HORMAD2: variants seen among roughly 807,000 people sequenced by gnomAD.
HORMAD2 encodes HORMA domain-containing protein 2.
In HORMAD2, 45 loss-of-function variants were observed where a neutral mutation model predicts 38.8. The ratio of observed to expected loss-of-function variants is 1.16; its 90% CI spans 0.91 to 1.49. The LOEUF (loss-of-function observed/expected upper bound fraction) is 1.49, where lower values mean the gene tolerates loss of function less well. HORMAD2 is among the 40% of genes most tolerant of loss of function. HORMAD2 has a pLI of 0.00. For missense variants in HORMAD2, 338 were observed against 367.0 expected (o/e 0.92, Z 0.65); for synonymous variants, 126 against 122.8 (o/e 1.03, Z -0.17).
intron 10 of HORMAD2, among the ~76,000 whole-genome samples, chr22:30,150,656 G>A (rs775053487): frequency 2.6e-5 from 4 of 152,144 alleles, no homozygotes; most frequent in Non-Finnish European, 5.9e-5. Flanking sequence ...ACCTGTACAA[G>A]CCTTTGGGAG....
chr22:30,127,312 G>A (rs973773607), intron 10 of HORMAD2, among the ~76,000 whole-genome samples: 2 of 146,338 alleles, frequency 1.4e-5, no homozygotes, highest in South Asian at 2.2e-4. Flanking sequence ...TGATTCAAGC[G>A]ATTCTCCTGC....
At chr22:30,120,892 G>A (rs568528549) in intron 8 of HORMAD2, among the ~76,000 whole-genome samples, 112 of 152,300 alleles carry the variant, frequency 7.4e-4, no homozygotes, top group Admixed American at 2.6e-4. Flanking sequence ...TGAGTGAGAG[G>A]AAACTGGGCA....
chr22:30,096,344 A>G (rs910111336), intron 2 of HORMAD2, among the ~76,000 whole-genome samples: 1 of 152,162 alleles, frequency 6.6e-6, no homozygotes, highest in African/African-American at 2.4e-5. Flanking sequence ...TAGCTTTATT[A>G]TATACTGCCA....
At chr22:30,137,019 T>C in intron 10 of HORMAD2, 1 of 444,484 alleles carries the variant, frequency 2.2e-6, no homozygotes. Context: ...CTTCCATGTG[T>C]AATTGTTGCA....
chr22:30,168,700 G>A (rs1264374129), intron 10 of HORMAD2, among the ~76,000 whole-genome samples: 1 of 152,104 alleles, frequency 6.6e-6, no homozygotes, highest in Non-Finnish European at 1.5e-5. Flanking sequence ...CTCAGGTTCA[G>A]GCACTCATTC....
the HORMAD2 span, among the ~76,000 whole-genome samples, chr22:30,206,352 G>C: frequency 6.6e-6 from 1 of 152,292 alleles, no homozygotes; most frequent in African/African-American, 2.4e-5. Context: ...TAGAGATGGG[G>C]TTTCACCATG....
At chr22:30,092,110 A>G (rs2146071201) in intron 1 of HORMAD2, among the ~76,000 whole-genome samples, 1 of 147,780 alleles carries the variant, frequency 6.8e-6, no homozygotes, top group Middle Eastern at 3.5e-3. Flanking sequence ...CAAACTCTTG[A>G]CCTCAGGTGA....
intron 10 of HORMAD2, among the ~76,000 whole-genome samples, chr22:30,159,203 C>T (rs965202218): frequency 2.6e-5 from 4 of 151,998 alleles, no homozygotes; most frequent in African/African-American, 9.7e-5. Context: ...TTTTGAAAGC[C>T]CTCAGAATAA....
At position 30,116,299 on chromosome 22, in the gene HORMAD2, G is replaced by T. The variant is rs371893687; in HGVS notation, c.343-2681G>T. Among the ~76,000 whole-genome samples the T allele has an allele frequency of 1.2e-4, 18 of 152,208 alleles. No individual in the cohort carries two copies. The East Asian group carries it at 3.5e-3, about 29-fold the overall frequency. On this transcript the variant is annotated intron_variant, in intron 7 of 10. Transcript: ENST00000336726. Reference sequence around the variant, plus strand: ...GGCCTTGCAAATCAAGATAACTTTTGGATTTTATTTTAAGGGTGGTGAGAA... The same window carrying T: ...GGCCTTGCAAATCAAGATAACTTTTTGATTTTATTTTAAGGGTGGTGAGAA...
upstream of HORMAD2, among the ~76,000 whole-genome samples, chr22:30,079,112 G>T (rs141417692): frequency 4.7e-3 from 715 of 152,200 alleles, 8 homozygotes; most frequent in African/African-American, 0.016. Flanking sequence ...TCGCCAACTT[G>T]AATAGTTTTT....
At chr22:30,140,908 T>C (rs929239892) in intron 10 of HORMAD2, among the ~76,000 whole-genome samples, 4 of 152,212 alleles carry the variant, frequency 2.6e-5, no homozygotes, top group African/African-American at 9.6e-5. Context: ...TTTACAGTTG[T>C]AAATTTTCCT....
chr22:30,166,998 A>C (rs8138286), intron 10 of HORMAD2, among the ~76,000 whole-genome samples: 30,426 of 152,188 alleles, frequency 0.2, 3,691 homozygotes, highest in Middle Eastern at 0.38. Flanking sequence ...ACAAAAATGT[A>C]TTCTCTCACA....
intron 3 of HORMAD2, 60 bp downstream of exon 3, chr22:30,099,053 A>G (rs1920927480): frequency 5.5e-6 from 8 of 1,455,288 alleles, no homozygotes; most frequent in Middle Eastern, 1.8e-4. Flanking sequence ...TTTAGCAGGA[A>G]TAAACCTTTC....
intron 10 of HORMAD2, among the ~76,000 whole-genome samples, chr22:30,161,553 G>A (rs1291832004): frequency 6.6e-6 from 1 of 152,174 alleles, no homozygotes; most frequent in Non-Finnish European, 1.5e-5. Flanking sequence ...GTATGTGCTT[G>A]AGCGTGTTTA....
chr22:30,111,791 T>TA lies in HORMAD2; in HGVS notation c.295-5_295-4insA. On this transcript the variant is annotated splice_region_variant and splice_polypyrimidine_tract_variant and intron_variant, in intron 5 of 10. Coordinates refer to ENST00000336726, the MANE Select transcript of HORMAD2 (RefSeq NM_152510.4). ...AATAATAGTTTTTTTTTCTTTCTCT[T>TA]GAAGCTACGTATGGCAGTACTGACA... The TA allele has an allele frequency of 6.4e-7, 1 of 1,557,042 alleles. No homozygotes were observed. Among genetic ancestry groups the TA allele is most frequent in the Non-Finnish European group, 8.7e-7 (1 of 1,148,486 alleles).
At chr22:30,099,239 A>G (rs1398538505) in intron 3 of HORMAD2, among the ~76,000 whole-genome samples, 1 of 152,250 alleles carries the variant, frequency 6.6e-6, no homozygotes, top group Non-Finnish European at 1.5e-5. Context: ...GGACAAGTCC[A>G]GTATAAAAGC....
At chr22:30,085,222 A>G (rs2068550337) in intron 1 of HORMAD2, among the ~76,000 whole-genome samples, 1 of 152,162 alleles carries the variant, frequency 6.6e-6, no homozygotes, top group South Asian at 2.1e-4. Flanking sequence ...AATGTTCAGA[A>G]TAGGCAATTT....
intron 10 of HORMAD2, among the ~76,000 whole-genome samples, chr22:30,160,882 C>A (rs1394551338): frequency 6.6e-6 from 1 of 152,168 alleles, no homozygotes; most frequent in African/African-American, 2.4e-5. Flanking sequence ...AATGTTTCAT[C>A]ATTTCCTGCA....
chr22:30,098,415 G>T (rs934688237), intron 2 of HORMAD2, among the ~76,000 whole-genome samples: 1 of 152,192 alleles, frequency 6.6e-6, no homozygotes, highest in Non-Finnish European at 1.5e-5. Context: ...GAGTATGTGG[G>T]TAACAGTGTC....
Sources: allele counts gnomAD v4.1 joint callset (sites outside exome capture counted in the v4.1 genomes callset), GRCh38; gene constraint gnomAD v4.1.1; transcripts MANE v1.5; gene names NCBI Gene and HGNC (gene_info 2026-07-23, HGNC 2026-07-21).